Variants in NOP14 observed in about 807,000 individuals in gnomAD.
The protein encoded by NOP14 is nucleolar protein 14.
In NOP14, 57 loss-of-function variants were observed where a neutral mutation model predicts 101.6. The observed-to-expected ratio is 0.56, with a 90% CI of 0.45 to 0.70. The LOEUF (loss-of-function observed/expected upper bound fraction) is 0.70. Ranked by LOEUF, NOP14 falls within the 30% of genes least tolerant of loss-of-function variation. NOP14 has a pLI of 0.00. For missense variants in NOP14, 1,134 were observed against 1,075.5 expected (o/e 1.05, Z -0.76); for synonymous variants, 428 against 424.0 (o/e 1.01, Z -0.12).
rs750838702 is a variant in NOP14, at chr4:2,950,147, T to TC, written c.1068dup (p.Ser357GlufsTer7). The TC allele has an allele frequency of 1.5e-5, 24 of 1,614,200 alleles. No homozygotes were observed. The highest frequency in any genetic ancestry group is 2.0e-5 in the Non-Finnish European group (24 of 1,180,030). ...GAACTGTCACCTTCTTCCTCGTTGC[T>TC]CTCAGGGTCACTGGCTTCCTTGCTT... On this transcript the variant is annotated frameshift_variant, in exon 8 of 18. Transcript: ENST00000416614. LOFTEE classifies it high-confidence loss of function.
chr4:2,943,263 G>C (rs1714357598), intron 13 of NOP14, among the ~76,000 whole-genome samples: 1 of 152,254 alleles, frequency 6.6e-6, no homozygotes, highest in Non-Finnish European at 1.5e-5. Context: ...TGATGCCACA[G>C]CACCTGCTCC....
At chr4:2,939,984 C>T (rs1240182541) in intron 15 of NOP14, among the ~76,000 whole-genome samples, 1 of 152,190 alleles carries the variant, frequency 6.6e-6, no homozygotes, top group Non-Finnish European at 1.5e-5. Flanking sequence ...TCAACAGAAC[C>T]CCTCTTTCCC....
chr4:2,963,049 GAGA>G, intron 1 of NOP14, 73 bp downstream of exon 1: 1 of 1,412,404 alleles, frequency 7.1e-7, no homozygotes, highest in Non-Finnish European at 9.3e-7. Context: ...CCGACGCACC[GAGA>G]AGGACGCAGC....
At chr4:2,952,992 A>T (rs935283328) in intron 5 of NOP14, among the ~76,000 whole-genome samples, 1 of 152,240 alleles carries the variant, frequency 6.6e-6, no homozygotes, top group African/African-American at 2.4e-5. Flanking sequence ...AAACGTGGGA[A>T]ACTAAGTAAA....
chr4:2,960,096 A>C (rs1057064226), intron 1 of NOP14, among the ~76,000 whole-genome samples: 4 of 151,932 alleles, frequency 2.6e-5, no homozygotes, highest in African/African-American at 9.7e-5. Flanking sequence ...CAGCCTCCCC[A>C]GTAGCTGGGA....
At chr4:2,943,962 G>T in intron 13 of NOP14, 111 bp downstream of exon 13, 2 of 847,716 alleles carry the variant, frequency 2.4e-6, no homozygotes, top group Non-Finnish European at 3.7e-6. Flanking sequence ...GTGGCAGGTT[G>T]TGTGTTTCCT....
At chr4:2,947,711 A>C in intron 9 of NOP14, 100 bp from the exon 10 acceptor site, 1 of 961,160 alleles carries the variant, frequency 1.0e-6, no homozygotes, top group Non-Finnish European at 1.7e-6. Context: ...GGTGACAACC[A>C]GGTGGGGCAG....
At chr4:2,944,753 G>A (rs1192258211) in intron 12 of NOP14, among the ~76,000 whole-genome samples, 2 of 152,196 alleles carry the variant, frequency 1.3e-5, no homozygotes, top group Non-Finnish European at 2.9e-5. Context: ...CAGAGCGTAC[G>A]ATTACTGCAC....
rs187103867 is a variant in NOP14 at position 2,938,147 on chromosome 4, C to T, written c.*684G>A. 9.0e-4 allele frequency: 1,129 copies of T among 1,249,042 alleles called. 3 individuals carry two copies. The highest frequency in any genetic ancestry group is 3.9e-3 in the Middle Eastern group (18 of 4,590). 77.4% of individuals were successfully genotyped at this position (1,249,042 alleles called of 1,614,324 possible). ...GGATTCATTCTATTTCATCAGGTGA[C>T]GTTTTAACAGAAACAAAACCGCAGG... On this transcript the variant is annotated 3_prime_UTR_variant, in exon 18 of 18. Coordinates refer to ENST00000416614, the MANE Select transcript of NOP14 (RefSeq NM_001291978.2).
At chr4:2,960,344 T>C (rs1226398689) in intron 1 of NOP14, among the ~76,000 whole-genome samples, 1 of 151,710 alleles carries the variant, frequency 6.6e-6, no homozygotes, top group Non-Finnish European at 1.5e-5. Context: ...AGGAAGGGGG[T>C]AGATGGGGCA....
intron 1 of NOP14, among the ~76,000 whole-genome samples, chr4:2,960,712 TTAA>T (rs1470983828): frequency 1.5e-5 from 2 of 136,822 alleles, no homozygotes; most frequent in East Asian, 2.0e-4. Flanking sequence ...TATTAATATA[TTAA>T]TATTATAATC....
chr4:2,944,203 G>T lies in NOP14; in HGVS notation c.1761C>A (p.Asp587Glu). Residue 587 changes from aspartate (D) to glutamate (E), a missense_variant, in exon 13 of 18, where the codon GAC (aspartate) becomes GAA (glutamate). Coordinates refer to ENST00000416614, the MANE Select transcript of NOP14 (RefSeq NM_001291978.2). ...LTKCPILSLQ[D>E]VVKGLFVCCL... ...AGCACACGAACAGGCCCTTCACCACGTCCTGGAGGGACAGGATGGGGCACT... is the reference window on the plus strand; with the variant it reads ...AGCACACGAACAGGCCCTTCACCACTTCCTGGAGGGACAGGATGGGGCACT... The T allele has an allele frequency of 6.2e-7, 1 of 1,613,722 alleles. No homozygotes were observed. Among genetic ancestry groups the T allele is most frequent in the Non-Finnish European group, 8.5e-7 (1 of 1,179,908 alleles).
intron 7 of NOP14, 169 bp from the exon 8 acceptor site, chr4:2,950,382 C>G: frequency 1.5e-6 from 1 of 673,618 alleles, no homozygotes; most frequent in South Asian, 1.8e-5. Context: ...TGCCCACCAC[C>G]CGCTTCTAGG....
At position 2,939,513 on chromosome 4, in the gene NOP14, C is replaced by G. The variant is rs1419743877; in HGVS notation, c.2318+14G>C. 1 of 1,610,588 alleles carries G rather than the reference C, an allele frequency of 6.2e-7. No homozygotes were observed. Among genetic ancestry groups the G allele is most frequent in the East Asian group, 2.2e-5 (1 of 44,864 alleles). On this transcript the variant is annotated intron_variant, in intron 16 of 17. Coordinates refer to ENST00000416614, the MANE Select transcript of NOP14 (RefSeq NM_001291978.2). Reference sequence around the variant, plus strand: ...ACAGCCCTGGCCTCCCAGGGAGATGCTGCCAGCACCCACACTTTGACCAGC... The same window carrying G: ...ACAGCCCTGGCCTCCCAGGGAGATGGTGCCAGCACCCACACTTTGACCAGC...
rs1715166202 is a variant in NOP14 at position 2,953,630 on chromosome 4, G to A, written c.628C>T (p.Gln210Ter). The stretch of plus-strand genomic sequence containing the variant: ...GTGAGCTCGAGGGCATCTTCTCGTT[G>A]AGCTTGTCTCTCCCTCTGGGGAAAA... ...SKQEKRERQAQREDALELTEK... is the reference protein window; with the variant it reads ...SKQEKRERQA The change falls in exon 5 of 18, where the codon CAA (glutamine) becomes TAA (stop). Residue 210 changes from glutamine (Q) to a stop codon, truncating the protein, a stop_gained. Transcript: ENST00000416614. LOFTEE classifies it high-confidence loss of function. 1 of 1,614,146 alleles carries A rather than the reference G, an allele frequency of 6.2e-7. No individual in the cohort carries two copies. Among genetic ancestry groups the A allele is most frequent in the Non-Finnish European group, 8.5e-7 (1 of 1,180,044 alleles).
At chr4:2,958,055 T>A (rs953102286) in intron 1 of NOP14, among the ~76,000 whole-genome samples, 4 of 152,148 alleles carry the variant, frequency 2.6e-5, no homozygotes, top group African/African-American at 9.7e-5. Flanking sequence ...AACAGCTGCC[T>A]TAAGGTTTAA....
chr4:2,950,255 A>C (rs747821993), intron 7 of NOP14, 42 bp from the exon 8 acceptor site: 1 of 1,602,058 alleles, frequency 6.2e-7, no homozygotes, highest in South Asian at 1.1e-5. Context: ...GGACAGGCGG[A>C]GACAACGCTG....
chr4:2,956,799 T>C lies in NOP14; in HGVS notation c.343A>G (p.Lys115Glu), dbSNP rs770166995. The C allele has an allele frequency of 6.2e-7, 1 of 1,601,180 alleles. No homozygotes were observed. The highest frequency in any genetic ancestry group is 1.1e-5 in the South Asian group (1 of 87,954). The stretch of plus-strand genomic sequence containing the variant: ...TCATTTAGATTGTAGATGCTTTTTT[T>C]CTCATGATGTCGCTGACAGAAGAGA... ...FALEQQRHHE[K>E]KSIYNLNEDE... The change falls in exon 3 of 18, where the codon AAA becomes GAA. Residue 115 changes from lysine to glutamate, a missense_variant. Coordinates refer to ENST00000416614, the MANE Select transcript of NOP14 (RefSeq NM_001291978.2).
chr4:2,950,981 T>C (rs761198978), intron 7 of NOP14, 133 bp downstream of exon 7: 6 of 803,482 alleles, frequency 7.5e-6, no homozygotes, highest in Non-Finnish European at 1.2e-5. Context: ...AACACCCAGA[T>C]AAAGAACTTT....
Sources: gnomAD v4.1 joint callset for allele counts (sites outside exome capture counted in the v4.1 genomes callset) on GRCh38, gnomAD v4.1.1 for gene constraint, MANE v1.5 for transcripts, NCBI Gene and HGNC (gene_info 2026-07-23, HGNC 2026-07-21) for gene names.